Variants in GALNT14 observed in about 807,000 individuals in gnomAD.
The protein encoded by GALNT14 is UDP-GalNAc:polypeptide N-acetylgalactosaminyltransferase 14.
In GALNT14, 60 loss-of-function variants were observed where a neutral mutation model predicts 77.5. The observed-to-expected ratio is 0.77, with a 90% CI of 0.63 to 0.96. The LOEUF is 0.96. GALNT14 is among the 40% of genes least tolerant of loss of function. The probability of loss-of-function intolerance (pLI) is 0.00; values close to 1 mark genes in which losing one functional copy is unlikely to be tolerated. For synonymous variants in GALNT14, 280 were observed against 281.7 expected, an observed-to-expected ratio of 0.99 and a Z score of 0.06; for missense variants, 710 against 731.0, an observed-to-expected ratio of 0.97 and a Z score of 0.33.
chr2:30,954,769 C>A (rs991774812), intron 6 of GALNT14, among the ~76,000 whole-genome samples: 1 of 152,194 alleles, frequency 6.6e-6, no homozygotes, highest in Admixed American at 6.5e-5. Context: ...GTTGAGGTAA[C>A]GCCAGCGTTC....
intron 1 of GALNT14, among the ~76,000 whole-genome samples, chr2:31,027,374 G>A (rs569265235): frequency 1.7e-3 from 241 of 145,988 alleles, no homozygotes; most frequent in African/African-American, 5.8e-3. Context: ...CTGAGATCGC[G>A]CCATTGCACT....
intron 1 of GALNT14, among the ~76,000 whole-genome samples, chr2:31,019,925 G>C (rs954221179): frequency 3.3e-5 from 5 of 152,206 alleles, no homozygotes; most frequent in African/African-American, 9.6e-5. Context: ...CAGAATTTAA[G>C]TATGAAATTG....
At chr2:31,107,566 G>A (rs565899392) in intron 1 of GALNT14, among the ~76,000 whole-genome samples, 19 of 152,328 alleles carry the variant, frequency 1.2e-4, no homozygotes, top group Non-Finnish European at 2.2e-4. Flanking sequence ...AGGAGGAAGA[G>A]CAGAAGAGGT....
chr2:30,935,239 C>T (rs1375069598), intron 9 of GALNT14, among the ~76,000 whole-genome samples: 1 of 152,170 alleles, frequency 6.6e-6, no homozygotes, highest in Non-Finnish European at 1.5e-5. Context: ...GGAAGCACAT[C>T]TCTCCAACTC....
intron 1 of GALNT14, among the ~76,000 whole-genome samples, chr2:31,070,522 T>C (rs1240527294): frequency 6.6e-6 from 1 of 152,202 alleles, no homozygotes; most frequent in Admixed American, 6.5e-5. Context: ...ACCCTGTGAC[T>C]CATCCATTTT....
intron 1 of GALNT14, among the ~76,000 whole-genome samples, chr2:31,032,723 T>C (rs182605329): frequency 3.5e-4 from 54 of 152,310 alleles, no homozygotes; most frequent in Non-Finnish European, 7.3e-4. Flanking sequence ...CTCCATAGCA[T>C]TGCTGAGCGA....
chr2:30,895,077 G>T, the GALNT14 span, among the ~76,000 whole-genome samples: 1 of 152,338 alleles, frequency 6.6e-6, no homozygotes, highest in African/African-American at 2.4e-5. Flanking sequence ...TATCCAAGTT[G>T]CAAGGACCTA....
intron 1 of GALNT14, among the ~76,000 whole-genome samples, chr2:31,093,049 C>T (rs1168167681): frequency 6.6e-6 from 1 of 152,132 alleles, no homozygotes; most frequent in Non-Finnish European, 1.5e-5. Flanking sequence ...AGGTTCGTTC[C>T]ATCAGGGTCC....
intron 6 of GALNT14, among the ~76,000 whole-genome samples, chr2:30,952,996 C>G (rs527862270): frequency 2.3e-4 from 35 of 152,252 alleles, no homozygotes; most frequent in Non-Finnish European, 4.7e-4. Flanking sequence ...GTATAAAATC[C>G]CCTGTAAACA....
intron 1 of GALNT14, among the ~76,000 whole-genome samples, chr2:31,096,322 G>A (rs1357526710): frequency 6.6e-6 from 1 of 152,088 alleles, no homozygotes; most frequent in Non-Finnish European, 1.5e-5. Flanking sequence ...CAACTTTGGG[G>A]GCACATTATT....
intron 13 of GALNT14, among the ~76,000 whole-genome samples, chr2:30,916,357 C>G (rs938079189): frequency 3.9e-5 from 6 of 152,214 alleles, no homozygotes; most frequent in Non-Finnish European, 4.4e-5. Context: ...TCATCTGCAT[C>G]TCATTATTGG....
intron 1 of GALNT14, among the ~76,000 whole-genome samples, chr2:31,082,890 C>T (rs1388285165): frequency 7.2e-5 from 11 of 152,016 alleles, no homozygotes; most frequent in Admixed American, 7.2e-4. Flanking sequence ...TGATGGCACA[C>T]GCCTGTAGTT....
chr2:30,986,515 G>A (rs936180041), intron 2 of GALNT14, among the ~76,000 whole-genome samples: 1 of 152,148 alleles, frequency 6.6e-6, no homozygotes, highest in African/African-American at 2.4e-5. Flanking sequence ...GGGATGACTC[G>A]AAAATGAGGA....
At position 31,061,787 on chromosome 2, in the gene GALNT14, C is replaced by A. The variant is rs1435214892; in HGVS notation, c.130-68780G>T. ...TGCCGAGTATGTTCTTTCCATTATTCCTCATCCTTTAAACTTAGTTCCTTG... is the reference window on the plus strand; with the variant it reads ...TGCCGAGTATGTTCTTTCCATTATTACTCATCCTTTAAACTTAGTTCCTTG... On this transcript the variant is annotated intron_variant, in intron 1 of 14. Transcript: ENST00000349752. Among the ~76,000 whole-genome samples, 4 of 152,244 alleles carry A rather than the reference C, an allele frequency of 2.6e-5. No individual in the cohort carries two copies. In the East Asian group the frequency reaches 5.8e-4, roughly 22 times the overall value.
intron 1 of GALNT14, among the ~76,000 whole-genome samples, chr2:31,029,771 T>C (rs1309355713): frequency 6.6e-6 from 1 of 152,206 alleles, no homozygotes; most frequent in Non-Finnish European, 1.5e-5. Context: ...CTACACCACC[T>C]TTAAACTGTT....
At chr2:30,960,654 T>G (rs925235001) in intron 3 of GALNT14, among the ~76,000 whole-genome samples, 5 of 151,966 alleles carry the variant, frequency 3.3e-5, no homozygotes, top group Non-Finnish European at 5.9e-5. Context: ...CTCTGGGTGG[T>G]CAGAGGAGAA....
chr2:30,938,637 GA>G (rs1229865288), intron 9 of GALNT14, among the ~76,000 whole-genome samples: 1 of 152,172 alleles, frequency 6.6e-6, no homozygotes, highest in Non-Finnish European at 1.5e-5. Context: ...AAATACTTTG[GA>G]AATGGTGGCA....
chr2:30,902,475 C>T, the GALNT14 span, among the ~76,000 whole-genome samples: 1 of 152,088 alleles, frequency 6.6e-6, no homozygotes, highest in African/African-American at 2.4e-5. Context: ...TTCGTTATCA[C>T]CCCAAGGGCT....
At chr2:30,989,446 C>T (rs1188296095) in intron 2 of GALNT14, among the ~76,000 whole-genome samples, 3 of 151,118 alleles carry the variant, frequency 2.0e-5, no homozygotes, top group Admixed American at 6.6e-5. Context: ...TGAGTTTTCT[C>T]ACAGAAACCT....
Sources: gnomAD v4.1 joint callset for allele counts (sites outside exome capture counted in the v4.1 genomes callset) on GRCh38, gnomAD v4.1.1 for gene constraint, MANE v1.5 for transcripts, NCBI Gene and HGNC (gene_info 2026-07-23, HGNC 2026-07-21) for gene names.